THADA: variants seen among roughly 807,000 people sequenced by gnomAD.
THADA encodes THADA armadillo repeat containing.
Under a neutral mutation model 219.8 loss-of-function variants are expected in THADA, and 213 were observed. The observed-to-expected ratio is 0.97, with a 90% CI of 0.87 to 1.09. THADA has a LOEUF of 1.09. Among genes scored for constraint, THADA ranks in the 50% least tolerant of loss-of-function variants. THADA has a pLI of 0.00. For synonymous variants in THADA, 1,018 were observed against 828.9 expected, an observed-to-expected ratio of 1.23 and a Z score of -3.92; for missense variants, 2,956 against 2,311.3, an observed-to-expected ratio of 1.28 and a Z score of -5.72.
intron 1 of THADA, among the ~76,000 whole-genome samples, chr2:43,592,667 G>A (rs962165080): frequency 3.3e-5 from 5 of 152,160 alleles, no homozygotes; most frequent in African/African-American, 1.2e-4. Flanking sequence ...CACTGTCTAA[G>A]AATTTCTGAT....
At chr2:43,490,619 G>C (rs1190440549) in intron 25 of THADA, among the ~76,000 whole-genome samples, 2 of 152,070 alleles carry the variant, frequency 1.3e-5, no homozygotes, top group Non-Finnish European at 1.5e-5. Context: ...CATTACAATG[G>C]TCCTCCCTCA....
intron 34 of THADA, among the ~76,000 whole-genome samples, chr2:43,288,807 A>T (rs180685988): frequency 1.7e-3 from 265 of 152,380 alleles, no homozygotes; most frequent in Non-Finnish European, 1.9e-3. Flanking sequence ...TACAGTTTAC[A>T]TACCATAGAA....
At chr2:43,381,735 C>T (rs1419942033) in intron 29 of THADA, among the ~76,000 whole-genome samples, 5 of 152,062 alleles carry the variant, frequency 3.3e-5, no homozygotes, top group South Asian at 4.1e-4. Context: ...TGTGCCACCA[C>T]GCCCAGCTAA....
At chr2:43,569,047 C>T (rs1423150167) in intron 14 of THADA, among the ~76,000 whole-genome samples, 1 of 152,132 alleles carries the variant, frequency 6.6e-6, no homozygotes, top group African/African-American at 2.4e-5. Context: ...TTAAGGCTCA[C>T]CACAGCCCTC....
intron 20 of THADA, among the ~76,000 whole-genome samples, chr2:43,548,122 G>T (rs1267565517): frequency 6.6e-6 from 1 of 152,182 alleles, no homozygotes; most frequent in Non-Finnish European, 1.5e-5. Context: ...GAGTTTGCTA[G>T]AGGTCCACTC....
At chr2:43,267,474 T>G (rs987374897) in intron 36 of THADA, among the ~76,000 whole-genome samples, 3 of 152,172 alleles carry the variant, frequency 2.0e-5, no homozygotes, top group African/African-American at 4.8e-5. Flanking sequence ...ACCCAGTCTT[T>G]CCCCCTTACA....
chr2:43,299,429 C>A (rs531179637), intron 31 of THADA, among the ~76,000 whole-genome samples: 1 of 149,566 alleles, frequency 6.7e-6, no homozygotes, highest in Admixed American at 6.6e-5. Flanking sequence ...GAGGCCGAGG[C>A]GGGCAGATCA....
At chr2:43,521,475 G>C (rs1048985738) in intron 22 of THADA, among the ~76,000 whole-genome samples, 1 of 152,196 alleles carries the variant, frequency 6.6e-6, no homozygotes, top group Admixed American at 6.5e-5. Flanking sequence ...AGATTCACTT[G>C]AACCCGGGAG....
chr2:43,232,952 C>T (rs1342715788), intron 36 of THADA, 70 bp from the exon 37 acceptor site: 11 of 1,486,710 alleles, frequency 7.4e-6, no homozygotes, highest in South Asian at 3.8e-5. Context: ...GCCTGCAGGA[C>T]CCTGGGAACA....
chr2:43,236,831 G>T (rs1308101752), intron 36 of THADA, among the ~76,000 whole-genome samples: 1 of 151,290 alleles, frequency 6.6e-6, no homozygotes, highest in Admixed American at 6.6e-5. Context: ...GAAGGCCGAG[G>T]CGGGTGGATC....
At chr2:43,554,744 C>G (rs1697148605) in intron 17 of THADA, among the ~76,000 whole-genome samples, 1 of 152,112 alleles carries the variant, frequency 6.6e-6, no homozygotes, top group Non-Finnish European at 1.5e-5. Flanking sequence ...TCATAAAGTT[C>G]AAGATGCACA....
intron 4 of THADA, among the ~76,000 whole-genome samples, chr2:43,589,033 A>G (rs750793634): frequency 6.6e-6 from 1 of 152,198 alleles, no homozygotes; most frequent in African/African-American, 2.4e-5. Context: ...GCTGGTGGGA[A>G]TGTAAAATGT....
chr2:43,429,873 C>A (rs772694488), intron 27 of THADA, among the ~76,000 whole-genome samples: 1 of 151,654 alleles, frequency 6.6e-6, no homozygotes, highest in Non-Finnish European at 1.5e-5. Flanking sequence ...CAATTTTATG[C>A]AAGGAAGCAG....
intron 26 of THADA, among the ~76,000 whole-genome samples, chr2:43,484,951 A>C (rs1321835702): frequency 6.6e-6 from 1 of 150,812 alleles, no homozygotes; most frequent in Non-Finnish European, 1.5e-5. Context: ...AAAAAAAAAA[A>C]AACAAAAAAA....
intron 36 of THADA, among the ~76,000 whole-genome samples, chr2:43,235,872 T>C (rs1241968859): frequency 6.6e-6 from 1 of 151,548 alleles, no homozygotes; most frequent in Non-Finnish European, 1.5e-5. Flanking sequence ...AGTGGCGGGA[T>C]CTCGGCTCAC....
intron 26 of THADA, among the ~76,000 whole-genome samples, chr2:43,460,398 A>C (rs569259961): frequency 3.3e-5 from 5 of 152,226 alleles, no homozygotes; most frequent in Admixed American, 3.3e-4. Flanking sequence ...CTGTCCATGC[A>C]AAGATTTGGA....
intron 36 of THADA, among the ~76,000 whole-genome samples, chr2:43,245,013 C>T (rs1668987695): frequency 6.6e-6 from 1 of 152,184 alleles, no homozygotes; most frequent in Non-Finnish European, 1.5e-5. Context: ...TTCCATCAGC[C>T]TCCTCTCCTC....
At chr2:43,580,088 G>C (rs528368232) in intron 8 of THADA, among the ~76,000 whole-genome samples, 1 of 143,764 alleles carries the variant, frequency 7.0e-6, no homozygotes, top group East Asian at 2.1e-4. Context: ...GCAGTGGCAT[G>C]ATCTTGGCTC....
intron 29 of THADA, 110 bp from the exon 30 acceptor site, chr2:43,344,347 C>G: frequency 1.4e-6 from 1 of 713,428 alleles, no homozygotes; most frequent in Non-Finnish European, 2.3e-6. Flanking sequence ...AAAACAGACA[C>G]CTGCAGAATG....
Sources: allele counts gnomAD v4.1 joint callset (sites outside exome capture counted in the v4.1 genomes callset), GRCh38; gene constraint gnomAD v4.1.1; transcripts MANE v1.5; gene names NCBI Gene and HGNC (gene_info 2026-07-23, HGNC 2026-07-21).